The following CACNA2D3 variants were observed in gnomAD, a reference collection of about 807,000 sequenced individuals.
CACNA2D3 encodes the protein calcium voltage-gated channel auxiliary subunit alpha2delta 3, also known as voltage-dependent calcium channel subunit alpha-2/delta-3.
In CACNA2D3, 60 loss-of-function variants were observed where a neutral mutation model predicts 160.6. The ratio of observed to expected loss-of-function variants is 0.37; its 90% confidence interval spans 0.30 to 0.46. The LOEUF is 0.46. Ranked by LOEUF, CACNA2D3 falls within the 20% of genes least tolerant of loss-of-function variation. The pLI is 1.00. For missense variants in CACNA2D3, 1,205 were observed against 1,365.0 expected, an observed-to-expected ratio of 0.88 and a Z score of 1.85; for synonymous variants, 558 against 492.9, an observed-to-expected ratio of 1.13 and a Z score of -1.75.
In CACNA2D3 at chr3:54,316,414, C is replaced by T. The variant is rs539916045; in HGVS notation, c.205-4028C>T. Among the ~76,000 whole-genome samples the T allele has an allele frequency of 5.3e-5, 8 of 152,234 alleles. No individual in the cohort carries two copies. In the South Asian group the frequency reaches 1.7e-3, roughly 32 times the overall value. On this transcript the variant is annotated intron_variant, in intron 2 of 37. Transcript: ENST00000474759. ...GAAACATTTCCTGGAAAGAGTAAGGCATTATATTTTTCTAATGTGATTCCA... is the reference window on the plus strand; with the variant it reads ...GAAACATTTCCTGGAAAGAGTAAGGTATTATATTTTTCTAATGTGATTCCA...
chr3:54,536,477 G>A (rs1042447405), intron 5 of CACNA2D3, among the ~76,000 whole-genome samples: 6 of 152,224 alleles, frequency 3.9e-5, no homozygotes, highest in African/African-American at 1.4e-4. Context: ...CCCCACAAGG[G>A]ATTATCCATG....
intron 4 of CACNA2D3, among the ~76,000 whole-genome samples, chr3:54,498,690 T>C (rs546764229): frequency 1.3e-5 from 2 of 152,082 alleles, no homozygotes; most frequent in East Asian, 3.9e-4. Flanking sequence ...TGAAATTTTT[T>C]TCTTCTATAT....
intron 14 of CACNA2D3, among the ~76,000 whole-genome samples, chr3:54,830,895 G>C (rs1032899511): frequency 3.9e-5 from 6 of 152,206 alleles, no homozygotes; most frequent in African/African-American, 1.4e-4. Context: ...TTTTCATAGA[G>C]TGCAGGTTGA....
intron 31 of CACNA2D3, among the ~76,000 whole-genome samples, chr3:55,000,695 C>T (rs1356457326): frequency 6.6e-6 from 1 of 152,136 alleles, no homozygotes. Context: ...AGTTTCCTGC[C>T]ATCTGTCAGA....
chr3:54,293,444 A>G (rs1199204671), intron 2 of CACNA2D3, among the ~76,000 whole-genome samples: 2 of 152,172 alleles, frequency 1.3e-5, no homozygotes, highest in African/African-American at 4.8e-5. Context: ...GAGTGAGAAC[A>G]TAATGATGTT....
At chr3:54,229,126 T>C (rs1383659184) in intron 2 of CACNA2D3, among the ~76,000 whole-genome samples, 1 of 152,226 alleles carries the variant, frequency 6.6e-6, no homozygotes, top group African/African-American at 2.4e-5. Flanking sequence ...TGATTCTATT[T>C]TCCTTGATCT....
chr3:54,352,215 G>GT (rs1698576788), intron 3 of CACNA2D3, among the ~76,000 whole-genome samples: 1 of 152,118 alleles, frequency 6.6e-6, no homozygotes, highest in South Asian at 2.1e-4. Context: ...GCCCATCACT[G>GT]TGCAAGCTAA....
intron 13 of CACNA2D3, among the ~76,000 whole-genome samples, chr3:54,804,721 T>G (rs771478953): frequency 2.1e-4 from 32 of 152,006 alleles, no homozygotes; most frequent in Non-Finnish European, 3.1e-4. Context: ...TCTACAGAAC[T>G]CTCCACCCCA....
chr3:54,304,650 A>G (rs1703555975), intron 2 of CACNA2D3, among the ~76,000 whole-genome samples: 1 of 152,210 alleles, frequency 6.6e-6, no homozygotes. Context: ...TTGCTTTAAT[A>G]AGAAGAAAAA....
chr3:54,209,269 A>G lies in CACNA2D3; in HGVS notation c.204+85675A>G, dbSNP rs1437887167. Among the ~76,000 whole-genome samples, 9 of 152,282 alleles carry G rather than the reference A, an allele frequency of 5.9e-5. No individual in the cohort carries two copies. The East Asian group carries it at 1.5e-3, about 26-fold the overall frequency. On this transcript the variant is annotated intron_variant, in intron 2 of 37. Coordinates refer to ENST00000474759, the MANE Select transcript of CACNA2D3 (RefSeq NM_018398.3). ...ATTGGAGACCCTGGAGGATGTAACA[A>G]AACAAGATTGGGAGGTCATTTGTGT...
intron 13 of CACNA2D3, among the ~76,000 whole-genome samples, chr3:54,766,035 T>C (rs1023251077): frequency 3.3e-5 from 5 of 152,100 alleles, no homozygotes; most frequent in African/African-American, 1.2e-4. Context: ...CCTGGGTAAA[T>C]TCCTCTGTGA....
intron 17 of CACNA2D3, among the ~76,000 whole-genome samples, chr3:54,853,647 C>T (rs1699107003): frequency 6.6e-6 from 1 of 152,266 alleles, no homozygotes; most frequent in East Asian, 1.9e-4. Flanking sequence ...AGCAAGGGTT[C>T]CCTGGTGGTA....
chr3:54,204,738 G>T (rs1701240771), intron 2 of CACNA2D3, among the ~76,000 whole-genome samples: 1 of 143,906 alleles, frequency 6.9e-6, no homozygotes, highest in Non-Finnish European at 1.5e-5. Flanking sequence ...GGAGGTTGCA[G>T]TGAGCCAAGA....
chr3:54,390,867 C>T lies in CACNA2D3; in HGVS notation c.381+4093C>T, dbSNP rs181442970. On this transcript the variant is annotated intron_variant, in intron 4 of 37. Transcript: ENST00000474759. Reference sequence around the variant, plus strand: ...GTTAATCTGGGTTCTGCTGACCTCTCAGCAACCCCTGGCAGATAATTGTTT... The same window carrying T: ...GTTAATCTGGGTTCTGCTGACCTCTTAGCAACCCCTGGCAGATAATTGTTT... Among the ~76,000 whole-genome samples, 23 of 152,304 alleles carry T rather than the reference C, an allele frequency of 1.5e-4. 1 individual carries two copies. Among genetic ancestry groups the T allele is most frequent in the Admixed American group, 1.2e-3 (19 of 15,304 alleles).
intron 2 of CACNA2D3, among the ~76,000 whole-genome samples, chr3:54,136,936 G>A (rs1211811049): frequency 6.6e-6 from 1 of 152,222 alleles, no homozygotes. Flanking sequence ...TTGTCTCTGG[G>A]AAGGCTTCTG....
intron 12 of CACNA2D3, among the ~76,000 whole-genome samples, chr3:54,754,251 G>A (rs1328490597): frequency 1.3e-5 from 2 of 152,232 alleles, no homozygotes; most frequent in Non-Finnish European, 2.9e-5. Context: ...AGCATAGCAA[G>A]TTAATAGGGA....
intron 12 of CACNA2D3, among the ~76,000 whole-genome samples, chr3:54,759,457 CT>C (rs1213892171): frequency 3.4e-5 from 5 of 146,544 alleles, no homozygotes; most frequent in Admixed American, 6.9e-5. Context: ...TTAACTAAAA[CT>C]TATACTAAGA....
intron 2 of CACNA2D3, among the ~76,000 whole-genome samples, chr3:54,207,567 C>T (rs1210093516): frequency 3.3e-5 from 5 of 152,192 alleles, no homozygotes; most frequent in African/African-American, 4.8e-5. Context: ...GCTAACCTTC[C>T]TGGATGAATG....
At chr3:54,685,107 G>C (rs762238886) in intron 11 of CACNA2D3, among the ~76,000 whole-genome samples, 2 of 152,110 alleles carry the variant, frequency 1.3e-5, no homozygotes, top group South Asian at 4.1e-4. Context: ...AAAGCCTGTG[G>C]GGCATATTTC....
Sources: gnomAD v4.1 joint callset for allele counts (sites outside exome capture counted in the v4.1 genomes callset) on GRCh38, gnomAD v4.1.1 for gene constraint, MANE v1.5 for transcripts, NCBI Gene and HGNC (gene_info 2026-07-23, HGNC 2026-07-21) for gene names.